Variants in SCFD2 observed in about 807,000 individuals in gnomAD.
SCFD2 encodes the protein sec1 family domain containing 2.
A neutral mutation model predicts 58.9 loss-of-function variants in SCFD2; 54 were observed. The ratio of observed to expected loss-of-function variants is 0.92; its 90% CI spans 0.74 to 1.15. The LOEUF (loss-of-function observed/expected upper bound fraction) is 1.15, where lower values mean the gene tolerates loss of function less well. Among genes scored for constraint, SCFD2 ranks in the 50% most tolerant of loss-of-function variants. The pLI is 0.00. For missense variants in SCFD2, 805 were observed against 836.6 expected (o/e 0.96, Z 0.47); for synonymous variants, 321 against 335.9 (o/e 0.96, Z 0.49).
chr4:52,909,902 A>T (rs1400261557), intron 6 of SCFD2, among the ~76,000 whole-genome samples: 2 of 152,206 alleles, frequency 1.3e-5, no homozygotes, highest in African/African-American at 2.4e-5. Context: ...CAAATCCTGC[A>T]AATACTCTTC....
chr4:52,992,899 C>T (rs1419744010), intron 5 of SCFD2, among the ~76,000 whole-genome samples: 1 of 152,208 alleles, frequency 6.6e-6, no homozygotes, highest in Admixed American at 6.5e-5. Context: ...GAGGTGTACC[C>T]AACAGCTCAT....
intron 7 of SCFD2, among the ~76,000 whole-genome samples, chr4:52,891,841 C>T (rs4864693): frequency 1.3e-5 from 2 of 151,962 alleles, no homozygotes; most frequent in African/African-American, 4.8e-5. Context: ...CCTGAAATGT[C>T]CCCCCTGCCC....
At chr4:52,887,829 C>G (rs1175291076) in intron 7 of SCFD2, among the ~76,000 whole-genome samples, 1 of 151,832 alleles carries the variant, frequency 6.6e-6, no homozygotes, top group Non-Finnish European at 1.5e-5. Flanking sequence ...TACCATCCCC[C>G]AACTCCTTTC....
intron 4 of SCFD2, among the ~76,000 whole-genome samples, chr4:53,173,859 C>G (rs1053841223): frequency 6.6e-6 from 1 of 152,092 alleles, no homozygotes; most frequent in African/African-American, 2.4e-5. Flanking sequence ...TTACTCCCCA[C>G]GCTCATACCA....
intron 5 of SCFD2, among the ~76,000 whole-genome samples, chr4:53,030,237 G>A (rs536701833): frequency 4.3e-4 from 65 of 152,252 alleles, no homozygotes; most frequent in South Asian, 1.0e-3. Context: ...AGTATCATTA[G>A]TCATTAGGGA....
chr4:53,152,197 T>C (rs938611260), intron 4 of SCFD2, among the ~76,000 whole-genome samples: 2 of 151,072 alleles, frequency 1.3e-5, no homozygotes, highest in Non-Finnish European at 2.9e-5. Context: ...ACAAAACACT[T>C]CAAAGAATCA....
At chr4:53,071,717 G>A (rs780406327) in intron 5 of SCFD2, among the ~76,000 whole-genome samples, 1 of 151,882 alleles carries the variant, frequency 6.6e-6, no homozygotes, top group South Asian at 2.1e-4. Context: ...ACATGTACAG[G>A]TATCCTCCAG....
At chr4:53,140,837 C>T (rs1726114240) in intron 5 of SCFD2, among the ~76,000 whole-genome samples, 1 of 152,144 alleles carries the variant, frequency 6.6e-6, no homozygotes. Context: ...TACAGATCCA[C>T]AATACCTGGG....
intron 5 of SCFD2, among the ~76,000 whole-genome samples, chr4:53,076,772 G>C (rs1035654497): frequency 6.6e-6 from 1 of 152,204 alleles, no homozygotes; most frequent in African/African-American, 2.4e-5. Flanking sequence ...CCGGCTCAAA[G>C]TAGGCTGCCA....
At chr4:53,040,283 G>A (rs1330945733) in intron 5 of SCFD2, among the ~76,000 whole-genome samples, 1 of 152,124 alleles carries the variant, frequency 6.6e-6, no homozygotes, top group Admixed American at 6.6e-5. Flanking sequence ...AACTCAATAT[G>A]AGAGAGGGAG....
intron 5 of SCFD2, among the ~76,000 whole-genome samples, chr4:53,104,843 C>T (rs972975159): frequency 3.9e-5 from 6 of 152,180 alleles, no homozygotes; most frequent in Admixed American, 3.9e-4. Flanking sequence ...GGTCATACAG[C>T]GCAGCCTAAT....
At chr4:53,151,764 G>A (rs771845921) in intron 4 of SCFD2, among the ~76,000 whole-genome samples, 22 of 152,316 alleles carry the variant, frequency 1.4e-4, no homozygotes, top group Admixed American at 2.6e-4. Context: ...ACTTTACGAG[G>A]AAAAGAGATT....
intron 8 of SCFD2, among the ~76,000 whole-genome samples, chr4:52,875,461 T>C (rs1303196812): frequency 2.6e-5 from 4 of 151,996 alleles, no homozygotes; most frequent in Non-Finnish European, 5.9e-5. Context: ...CCACATCCCT[T>C]GGAAGGGGAT....
rs775085289 is a variant in SCFD2, at chr4:52,982,849, T to C, written c.1562-61979A>G. Reference sequence around the variant, plus strand: ...GGGAAGAAATAAAAACCTTTATCTATACTTCATCCCAATTTATTTTGGGAG... The same window carrying C: ...GGGAAGAAATAAAAACCTTTATCTACACTTCATCCCAATTTATTTTGGGAG... On this transcript the variant is annotated intron_variant, in intron 5 of 8. Coordinates refer to ENST00000401642, the MANE Select transcript of SCFD2 (RefSeq NM_152540.4). Among the ~76,000 whole-genome samples, 58 of 152,196 alleles carry C rather than the reference T, an allele frequency of 3.8e-4. 1 individual carries two copies. The highest frequency in any genetic ancestry group is 2.0e-4 in the Admixed American group (3 of 15,274).
At chr4:53,296,456 T>C (rs1383232776) in intron 3 of SCFD2, among the ~76,000 whole-genome samples, 2 of 152,220 alleles carry the variant, frequency 1.3e-5, no homozygotes, top group Non-Finnish European at 2.9e-5. Flanking sequence ...CGATGGTAGA[T>C]TGTATGTCTG....
rs1734672332 is a variant in SCFD2 at position 53,365,527 on chromosome 4, TCTC to T, written c.412_414del (p.Glu138del). The T allele has an allele frequency of 6.2e-7, 1 of 1,614,078 alleles. No individual in the cohort carries two copies. The highest frequency in any genetic ancestry group is 8.5e-7 in the Non-Finnish European group (1 of 1,180,002). ...ATGTTGCCCATCCATTCACACAGCT[TCTC>T]CTCCAGCTGCTCGAACACCGGCTGC... On this transcript the variant is annotated inframe_deletion, in exon 1 of 9. Coordinates refer to ENST00000401642, the MANE Select transcript of SCFD2 (RefSeq NM_152540.4). This position sits in a 1 kb window ranked among gnomAD's most constrained non-coding sequence, Gnocchi z 4.3.
At chr4:53,004,758 C>A (rs1470632429) in intron 5 of SCFD2, among the ~76,000 whole-genome samples, 1 of 152,018 alleles carries the variant, frequency 6.6e-6, no homozygotes, top group African/African-American at 2.4e-5. Context: ...CACCCTGACA[C>A]CCTGAAGACA....
At chr4:53,008,216 G>A (rs946853937) in intron 5 of SCFD2, among the ~76,000 whole-genome samples, 2 of 152,182 alleles carry the variant, frequency 1.3e-5, no homozygotes, top group African/African-American at 4.8e-5. Flanking sequence ...GCTCCATGGA[G>A]AGGGTGGCCT....
intron 5 of SCFD2, among the ~76,000 whole-genome samples, chr4:52,922,766 C>A (rs917834684): frequency 6.6e-6 from 1 of 152,080 alleles, no homozygotes; most frequent in African/African-American, 2.4e-5. Flanking sequence ...TTGTGTTTAA[C>A]CTTTTGAGGA....
Sources: allele counts gnomAD v4.1 joint callset (sites outside exome capture counted in the v4.1 genomes callset), GRCh38; gene constraint gnomAD v4.1.1; non-coding constraint Gnocchi (gnomAD v3.1); transcripts MANE v1.5; gene names NCBI Gene and HGNC (gene_info 2026-07-23, HGNC 2026-07-21).